Variants in MAN2B1 observed in about 807,000 individuals in gnomAD.
MAN2B1 encodes the protein mannosidase alpha class 2B member 1.
A neutral mutation model predicts 127.5 loss-of-function variants in MAN2B1; 99 were observed. That is an observed-to-expected ratio of 0.78 (90% CI 0.66 to 0.92). MAN2B1 has a LOEUF of 0.92. MAN2B1 is among the 40% of genes least tolerant of loss of function. The probability of loss-of-function intolerance (pLI) is 0.00; values close to 1 mark genes in which losing one functional copy is unlikely to be tolerated. For synonymous variants in MAN2B1, 573 were observed against 568.8 expected (o/e 1.01, Z -0.11); for missense variants, 1,304 against 1,384.8 (o/e 0.94, Z 0.93).
chr19:12,653,147 T>A (rs544144389), intron 14 of MAN2B1, among the ~76,000 whole-genome samples: 3 of 143,406 alleles, frequency 2.1e-5, no homozygotes, highest in Admixed American at 2.1e-4. Flanking sequence ...GTTTTTTGTT[T>A]TTTTTTTTTT....
chr19:12,654,036 CT>C lies in MAN2B1; in HGVS notation c.1831-1577del, dbSNP rs1182038176. 4.0e-5 allele frequency among the ~76,000 whole-genome samples: 6 copies of C among 148,352 alleles called. No homozygotes were observed. In the East Asian group the frequency reaches 5.9e-4, roughly 15 times the overall value. ...GCCCACCCCAGCCTTTTCTTTTTTT[CT>C]TTTTTTTTCTTTTTTTTTTTTTTGA... is the stretch of plus-strand genomic sequence containing the variant. On this transcript the variant is annotated intron_variant, in intron 14 of 23. Coordinates refer to ENST00000456935, the MANE Select transcript of MAN2B1 (RefSeq NM_000528.4).
intron 14 of MAN2B1, among the ~76,000 whole-genome samples, chr19:12,655,176 G>T (rs2023928061): frequency 6.6e-6 from 1 of 152,126 alleles, no homozygotes; most frequent in Non-Finnish European, 1.5e-5. Context: ...GAGCAACAAT[G>T]ACTGGCAAAA....
In MAN2B1 at chr19:12,649,467, C is replaced by T. The variant is rs754401583; in HGVS notation, c.2268-39G>A. ...TGAGCTGATCAGGCTTGGGATCTGG[C>T]TCCCCAACTCTTTTTTTTTTTTTTT... On this transcript the variant is annotated intron_variant, in intron 18 of 23. Coordinates refer to ENST00000456935, the MANE Select transcript of MAN2B1 (RefSeq NM_000528.4). 1.3e-5 allele frequency: 9 copies of T among 700,562 alleles called. No individual in the cohort carries two copies. The Admixed American group carries it at 2.0e-4, about 15-fold the overall frequency. 43.4% of individuals were successfully genotyped at this position (700,562 alleles called of 1,614,324 possible).
At chr19:12,646,843 C>T in intron 23 of MAN2B1, 111 bp from the exon 24 acceptor site, 1 of 762,664 alleles carries the variant, frequency 1.3e-6, no homozygotes, top group Non-Finnish European at 2.3e-6. Flanking sequence ...CCGAATCTGT[C>T]TCCAGGGCCT....
At chr19:12,652,534 T>C in intron 14 of MAN2B1, 74 bp from the exon 15 acceptor site, 1 of 1,002,952 alleles carries the variant, frequency 1.0e-6, no homozygotes, top group South Asian at 1.4e-5. Context: ...TTTTTCTTTT[T>C]TCTTTTTTTT....
intron 18 of MAN2B1, 49 bp downstream of exon 18, chr19:12,649,864 C>G: frequency 6.9e-7 from 1 of 1,444,796 alleles, no homozygotes; most frequent in Non-Finnish European, 9.7e-7. Flanking sequence ...CACCCCTGGG[C>G]CCCAACACAC....
chr19:12,663,502 A>C (rs918792685), intron 5 of MAN2B1, 40 bp from the exon 6 acceptor site: 2 of 1,609,814 alleles, frequency 1.2e-6, no homozygotes, highest in African/African-American at 2.7e-5. Context: ...CCCATCACCC[A>C]GACCTTCCCT....
intron 11 of MAN2B1, 118 bp downstream of exon 11, chr19:12,657,328 T>C (rs2023990167): frequency 2.2e-6 from 2 of 918,606 alleles, no homozygotes; most frequent in Admixed American, 2.1e-5. Flanking sequence ...CGAGCCCTTG[T>C]AGCCCCGCCA....
At chr19:12,664,701 T>C (rs2024184163) in intron 4 of MAN2B1, 91 bp downstream of exon 4, 1 of 1,320,074 alleles carries the variant, frequency 7.6e-7, no homozygotes, top group Non-Finnish European at 1.1e-6. Context: ...CTGGTCCTTG[T>C]GAGATTGCAG....
chr19:12,650,063 G>A (rs1339226670), intron 17 of MAN2B1, 41 bp downstream of exon 17: 2 of 1,609,226 alleles, frequency 1.2e-6, no homozygotes, highest in Non-Finnish European at 1.7e-6. Context: ...AAACCCCTCT[G>A]CCCTTGCTTC....
chr19:12,656,613 A>G lies in MAN2B1; in HGVS notation c.1602T>C (p.Val534=). The G allele has an allele frequency of 6.2e-7, 1 of 1,613,946 alleles. No individual in the cohort carries two copies. ...WMVRLPVSEG[V]FVVKDPNGRT... ...TGCCATTGGGGTCCTTCACAACGAAAACGCCTTCGCTGACCGGCAGCCGTA... is the reference window on the plus strand; with the variant it reads ...TGCCATTGGGGTCCTTCACAACGAAGACGCCTTCGCTGACCGGCAGCCGTA... Residue 534 remains valine (V), a synonymous_variant, in exon 13 of 24, where the codon GTT becomes GTC. Coordinates refer to ENST00000456935, the MANE Select transcript of MAN2B1 (RefSeq NM_000528.4).
intron 7 of MAN2B1, chr19:12,658,747 C>T: frequency 3.6e-6 from 2 of 561,406 alleles, no homozygotes; most frequent in Admixed American, 3.1e-5. Flanking sequence ...TTTTACTAAA[C>T]TTTTACAATA....
intron 6 of MAN2B1, among the ~76,000 whole-genome samples, chr19:12,661,867 C>CA (rs1270865665): frequency 6.7e-6 from 1 of 150,162 alleles, no homozygotes; most frequent in Non-Finnish European, 1.5e-5. Flanking sequence ...TTTTTTGAGA[C>CA]AGAGTTTCAC....
intron 20 of MAN2B1, 108 bp from the exon 21 acceptor site, chr19:12,648,510 G>A (rs2023758379): frequency 2.5e-6 from 2 of 813,252 alleles, no homozygotes; most frequent in East Asian, 5.4e-5. Context: ...TTAAAGGGTG[G>A]GAGGAACGGA....
intron 1 of MAN2B1, 172 bp from the exon 2 acceptor site, chr19:12,665,977 A>G (rs964379660): frequency 6.4e-5 from 44 of 685,572 alleles, no homozygotes; most frequent in South Asian, 6.4e-4. Context: ...GTGCTCATAG[A>G]TACAACTCCA....
At chr19:12,653,300 C>T (rs910718814) in intron 14 of MAN2B1, among the ~76,000 whole-genome samples, 1 of 151,932 alleles carries the variant, frequency 6.6e-6, no homozygotes, top group African/African-American at 2.4e-5. Context: ...GCACATGCCA[C>T]CACACCTGGC....
intron 6 of MAN2B1, 142 bp from the exon 7 acceptor site, chr19:12,661,518 A>C (rs1180316897): frequency 2.3e-5 from 17 of 723,714 alleles, no homozygotes; most frequent in Non-Finnish European, 4.4e-5. Flanking sequence ...GGGGACACAG[A>C]TAAAAGTAGC....
Position 12,657,509 on chromosome 19 carries a change from G to C in MAN2B1, c.1356C>G (p.Thr452=), listed in dbSNP as rs1160056496. 6.4e-7 allele frequency: 1 copy of C among 1,569,244 alleles called. No homozygotes were observed. The highest frequency in any genetic ancestry group is 8.6e-7 in the Non-Finnish European group (1 of 1,157,742). Residue 452 remains threonine (T), a synonymous_variant, in exon 11 of 24, where the codon ACC becomes ACG. Coordinates refer to ENST00000456935, the MANE Select transcript of MAN2B1 (RefSeq NM_000528.4). Reference sequence around the variant, plus strand: ...AGTCGTTGGCCACGTGCTGGCGGGAGGTGCCGCTGACGGCGTCGTGATGCT... The same window carrying C: ...AGTCGTTGGCCACGTGCTGGCGGGACGTGCCGCTGACGGCGTCGTGATGCT... ...VLQHHDAVSG[T]SRQHVANDYA...
intron 20 of MAN2B1, 119 bp from the exon 21 acceptor site, chr19:12,648,521 T>G: frequency 1.3e-6 from 1 of 772,302 alleles, no homozygotes; most frequent in Non-Finnish European, 2.1e-6. Flanking sequence ...GAGGAACGGA[T>G]GAGGATGAAG....
Sources: allele counts gnomAD v4.1 joint callset (sites outside exome capture counted in the v4.1 genomes callset), GRCh38; gene constraint gnomAD v4.1.1; transcripts MANE v1.5; gene names NCBI Gene and HGNC (gene_info 2026-07-23, HGNC 2026-07-21).